Variants in GRAMD1B observed in about 807,000 individuals in gnomAD.
GRAMD1B encodes GRAM domain containing 1B.
Under a neutral mutation model 99.7 loss-of-function variants are expected in GRAMD1B, and 37 were observed. The ratio of observed to expected loss-of-function variants is 0.37; its 90% CI spans 0.29 to 0.49. The LOEUF (loss-of-function observed/expected upper bound fraction) is 0.49. GRAMD1B is among the 20% of genes least tolerant of loss of function. The probability of loss-of-function intolerance (pLI) is 0.98; values close to 1 mark genes in which losing one functional copy is unlikely to be tolerated. For synonymous variants in GRAMD1B, 427 were observed against 387.6 expected, an observed-to-expected ratio of 1.10 and a Z score of -1.19; for missense variants, 888 against 1,009.2, an observed-to-expected ratio of 0.88 and a Z score of 1.63.
intron 2 of GRAMD1B, among the ~76,000 whole-genome samples, chr11:123,525,155 C>T (rs922969120): frequency 1.3e-5 from 2 of 152,210 alleles, no homozygotes; most frequent in South Asian, 4.1e-4. Flanking sequence ...CCCCAGGTGA[C>T]AATGTGCTGC....
chr11:123,367,820 G>C (rs1946372592), intron 1 of GRAMD1B, among the ~76,000 whole-genome samples: 2 of 152,086 alleles, frequency 1.3e-5, no homozygotes, highest in Admixed American at 1.3e-4. Context: ...GCCATGAAGG[G>C]GGTTGCTGAG....
At chr11:123,596,759 T>C (rs1951324048) in intron 7 of GRAMD1B, among the ~76,000 whole-genome samples, 1 of 152,226 alleles carries the variant, frequency 6.6e-6, no homozygotes, top group African/African-American at 2.4e-5. Context: ...TAAAAAACAA[T>C]TGAAGGCCTG....
intron 1 of GRAMD1B, among the ~76,000 whole-genome samples, chr11:123,461,588 G>C (rs892979891): frequency 1.3e-5 from 2 of 152,200 alleles, no homozygotes; most frequent in Non-Finnish European, 2.9e-5. Context: ...TGTTGAGACA[G>C]CTCTACTTTT....
At chr11:123,475,295 T>C (rs1044692899) in intron 1 of GRAMD1B, among the ~76,000 whole-genome samples, 2 of 152,150 alleles carry the variant, frequency 1.3e-5, no homozygotes, top group Non-Finnish European at 2.9e-5. Flanking sequence ...TTCCTGTGGA[T>C]TTTTCCCAGT....
intron 1 of GRAMD1B, among the ~76,000 whole-genome samples, chr11:123,414,713 A>G (rs1038743671): frequency 1.3e-5 from 2 of 152,136 alleles, no homozygotes; most frequent in African/African-American, 4.8e-5. Flanking sequence ...CCCCAAGGAG[A>G]AAGATTTTGC....
intron 14 of GRAMD1B, 37 bp from the exon 15 acceptor site, chr11:123,612,724 A>G (rs990316471): frequency 3.3e-6 from 4 of 1,195,976 alleles, no homozygotes; most frequent in African/African-American, 1.5e-5. Flanking sequence ...AGGCCCACCC[A>G]GGAAATGACT....
chr11:123,582,769 T>A (rs1295612617), intron 3 of GRAMD1B, among the ~76,000 whole-genome samples: 1 of 152,218 alleles, frequency 6.6e-6, no homozygotes, highest in Non-Finnish European at 1.5e-5. Context: ...ACACCCACCC[T>A]TGTGCGTAGT....
intron 1 of GRAMD1B, among the ~76,000 whole-genome samples, chr11:123,446,955 A>G (rs968847223): frequency 3.3e-5 from 5 of 152,052 alleles, no homozygotes; most frequent in Non-Finnish European, 7.4e-5. Flanking sequence ...GAAAGGGAGA[A>G]AGAGAGAAAG....
intron 1 of GRAMD1B, among the ~76,000 whole-genome samples, chr11:123,378,291 C>A (rs1328562095): frequency 6.6e-6 from 1 of 152,144 alleles, no homozygotes; most frequent in East Asian, 1.9e-4. Flanking sequence ...ATCTGTCTCC[C>A]AGAAACCAGA....
At chr11:123,566,005 C>G (rs957785982) in intron 2 of GRAMD1B, among the ~76,000 whole-genome samples, 1 of 152,146 alleles carries the variant, frequency 6.6e-6, no homozygotes, top group Middle Eastern at 3.2e-3. Context: ...ACTCTCATCC[C>G]GTGTCTTTGC....
At chr11:123,381,053 G>A (rs1481192083) in intron 1 of GRAMD1B, among the ~76,000 whole-genome samples, 1 of 152,110 alleles carries the variant, frequency 6.6e-6, no homozygotes, top group Non-Finnish European at 1.5e-5. Context: ...ATCAGAGGTA[G>A]GGGATTCTTG....
In GRAMD1B at chr11:123,439,740, A is replaced by G. The variant is rs1247165005; in HGVS notation, c.374+8574A>G. Reference sequence around the variant, plus strand: ...TGACCTGAAATCTCGACCAGTTTCTAACAGACCTATTACATCTCTGCAGCA... The same window carrying G: ...TGACCTGAAATCTCGACCAGTTTCTGACAGACCTATTACATCTCTGCAGCA... On this transcript the variant is annotated intron_variant, in intron 1 of 19. Transcript: ENST00000635736. Among the ~76,000 whole-genome samples, 5 of 152,156 alleles carry G rather than the reference A, an allele frequency of 3.3e-5. No individual in the cohort carries two copies. The East Asian group carries it at 7.7e-4, about 23-fold the overall frequency.
chr11:123,608,045 T>C (rs1952983859), intron 11 of GRAMD1B: 1 of 159,004 alleles, frequency 6.3e-6, no homozygotes, highest in Admixed American at 6.0e-5. Context: ...CTGATTTGAA[T>C]TCTTATTTTG....
intron 1 of GRAMD1B, among the ~76,000 whole-genome samples, chr11:123,379,419 C>A (rs557061774): frequency 3.3e-4 from 50 of 151,720 alleles, no homozygotes; most frequent in South Asian, 3.1e-3. Flanking sequence ...AAAAAAAAAA[C>A]AAACTTCTAT....
At chr11:123,586,196 C>A (rs894957865) in intron 4 of GRAMD1B, among the ~76,000 whole-genome samples, 2 of 152,146 alleles carry the variant, frequency 1.3e-5, no homozygotes, top group Admixed American at 1.3e-4. Flanking sequence ...GTCAGGGGTT[C>A]GGATGACACA....
intron 2 of GRAMD1B, among the ~76,000 whole-genome samples, chr11:123,517,611 C>G (rs1222178875): frequency 6.6e-6 from 1 of 152,036 alleles, no homozygotes; most frequent in Non-Finnish European, 1.5e-5. Flanking sequence ...AAGGCTAATT[C>G]TAGAATCGCG....
intron 2 of GRAMD1B, among the ~76,000 whole-genome samples, chr11:123,531,739 T>G (rs1943403581): frequency 6.9e-6 from 1 of 144,928 alleles, no homozygotes; most frequent in Admixed American, 6.8e-5. Flanking sequence ...GGTTTTTTTT[T>G]TTTTTTTTTT....
intron 2 of GRAMD1B, among the ~76,000 whole-genome samples, chr11:123,484,751 A>C (rs991405227): frequency 6.6e-6 from 1 of 152,230 alleles, no homozygotes; most frequent in South Asian, 2.1e-4. Context: ...CTTTCTTCTC[A>C]TCTTGGCTGC....
chr11:123,465,694 G>A (rs12277776), intron 1 of GRAMD1B, among the ~76,000 whole-genome samples: 9,442 of 151,862 alleles, frequency 0.062, 849 homozygotes, highest in African/African-American at 0.19. Context: ...ACTTGAACCC[G>A]GGAGGCGGAG....
Sources: gnomAD v4.1 joint callset for allele counts (sites outside exome capture counted in the v4.1 genomes callset) on GRCh38, gnomAD v4.1.1 for gene constraint, MANE v1.5 for transcripts, NCBI Gene and HGNC (gene_info 2026-07-23, HGNC 2026-07-21) for gene names.